The following EFEMP1 variants were observed in gnomAD, a reference collection of about 807,000 sequenced individuals.
EFEMP1 encodes EGF-like fibulin extracellular matrix protein 1.
Under a neutral mutation model 65.7 loss-of-function variants are expected in EFEMP1, and 18 were observed. The ratio of observed to expected loss-of-function variants is 0.27; its 90% CI spans 0.19 to 0.41. EFEMP1 has a LOEUF of 0.41. Ranked by LOEUF, EFEMP1 falls within the 10% of genes least tolerant of loss-of-function variation. The probability of loss-of-function intolerance (pLI) is 1.00; values close to 1 mark genes in which losing one functional copy is unlikely to be tolerated. For synonymous variants in EFEMP1, 237 were observed against 219.7 expected (o/e 1.08, Z -0.70); for missense variants, 469 against 624.8 (o/e 0.75, Z 2.66).
intron 5 of EFEMP1, among the ~76,000 whole-genome samples, chr2:55,900,422 A>G (rs1440725111): frequency 6.6e-6 from 1 of 151,762 alleles, no homozygotes; most frequent in Non-Finnish European, 1.5e-5. Flanking sequence ...CCCACAACCC[A>G]CTCAACTGGC....
chr2:55,921,121 T>C lies in EFEMP1; in HGVS notation c.81+1239A>G, dbSNP rs1461231401. Among the ~76,000 whole-genome samples, 1 of 152,164 alleles carries C rather than the reference T, an allele frequency of 6.6e-6. No individual in the cohort carries two copies. Among genetic ancestry groups the C allele is most frequent in the Non-Finnish European group, 1.5e-5 (1 of 68,032 alleles). The stretch of plus-strand genomic sequence containing the variant: ...TTTATGAGATGATTATAAAAGTGGG[T>C]AGTGAATTTAATTTTAGCTCCCTGA... On this transcript the variant is annotated intron_variant, in intron 3 of 11. Coordinates refer to ENST00000355426, the MANE Select transcript of EFEMP1 (RefSeq NM_001039348.3). The surrounding 1 kb of genome is among the most constrained non-coding windows in gnomAD (Gnocchi z 4.1).
intron 5 of EFEMP1, among the ~76,000 whole-genome samples, chr2:55,895,460 C>T (rs1476340593): frequency 6.6e-6 from 1 of 152,208 alleles, no homozygotes; most frequent in Non-Finnish European, 1.5e-5. Context: ...TAAAGACTCC[C>T]CTTGGGGGTC....
rs575762364 is a variant in EFEMP1 at position 55,875,374 on chromosome 2, T to A, written c.881-309A>T. On this transcript the variant is annotated intron_variant, in intron 8 of 11. Coordinates refer to ENST00000355426, the MANE Select transcript of EFEMP1 (RefSeq NM_001039348.3). ...CACACACACACACACACATATATAT[T>A]TTTTTTGTTCTGCTCAACAGTCCAG... is the stretch of plus-strand genomic sequence containing the variant. 6.5e-3 allele frequency among the ~76,000 whole-genome samples: 822 copies of A among 125,636 alleles called. 8 individuals are homozygous for A. Among genetic ancestry groups the A allele is most frequent in the African/African-American group, 0.026 (711 of 27,232 alleles). The allele number at this position is 125,636 out of a possible 152,430, so 82.4% of individuals were successfully genotyped here.
chr2:55,906,475 C>T (rs918606474), intron 5 of EFEMP1, among the ~76,000 whole-genome samples: 5 of 152,144 alleles, frequency 3.3e-5, no homozygotes, highest in African/African-American at 9.7e-5. Flanking sequence ...CTGCCTGCCT[C>T]GGCCTCCCAA....
Position 55,867,295 on chromosome 2 carries a change from C to T in EFEMP1, c.1321-61G>A. The T allele has an allele frequency of 6.4e-7, 1 of 1,560,790 alleles. No individual in the cohort carries two copies. The highest frequency in any genetic ancestry group is 8.7e-7 in the Non-Finnish European group (1 of 1,145,470). ...ATTTTCTTGGATTGGAGTTTCTATGCTTTGTTAGTATACCTCCTATAAGAA... is the reference window on the plus strand; with the variant it reads ...ATTTTCTTGGATTGGAGTTTCTATGTTTTGTTAGTATACCTCCTATAAGAA... On this transcript the variant is annotated intron_variant, in intron 11 of 11. Transcript: ENST00000355426. The surrounding 1 kb of genome is among the most constrained non-coding windows in gnomAD (Gnocchi z 4.3).
At chr2:55,900,592 T>C (rs1000384749) in intron 5 of EFEMP1, among the ~76,000 whole-genome samples, 41 of 152,340 alleles carry the variant, frequency 2.7e-4, no homozygotes, top group African/African-American at 9.6e-4. Context: ...TTCTATCTTC[T>C]TTACCAAAAA....
chr2:55,913,604 C>CTTTT (rs5831387), intron 5 of EFEMP1, among the ~76,000 whole-genome samples: 40 of 147,518 alleles, frequency 2.7e-4, no homozygotes, highest in Non-Finnish European at 5.6e-4. Context: ...TCCCAAATGA[C>CTTTT]TTTTTTTTTT....
intron 5 of EFEMP1, among the ~76,000 whole-genome samples, chr2:55,898,132 G>A (rs1260018928): frequency 6.6e-6 from 1 of 152,188 alleles, no homozygotes; most frequent in Non-Finnish European, 1.5e-5. Flanking sequence ...TGAGCATGAG[G>A]CAGAGAGGCT....
rs553933730 is a variant in EFEMP1 at position 55,911,985 on chromosome 2, C to T, written c.517+5680G>A. 8.5e-5 allele frequency among the ~76,000 whole-genome samples: 13 copies of T among 152,218 alleles called. No homozygotes were observed. The South Asian group carries it at 2.1e-3, about 24-fold the overall frequency. On this transcript the variant is annotated intron_variant, in intron 5 of 11. Transcript: ENST00000355426. ...TAGGAGTAAATCAATTACTTCCATACACTGCATCGGCTTATTTGAAAAATA... is the reference window on the plus strand; with the variant it reads ...TAGGAGTAAATCAATTACTTCCATATACTGCATCGGCTTATTTGAAAAATA...
intron 8 of EFEMP1, 77 bp from the exon 9 acceptor site, chr2:55,875,142 AAAT>A: frequency 1.9e-6 from 1 of 524,776 alleles, no homozygotes; most frequent in Non-Finnish European, 2.7e-6. Flanking sequence ...ATATATATAT[AAAT>A]TATATATATA....
intron 5 of EFEMP1, among the ~76,000 whole-genome samples, chr2:55,913,367 C>T (rs889699767): frequency 1.3e-5 from 2 of 151,920 alleles, no homozygotes; most frequent in Non-Finnish European, 2.9e-5. Flanking sequence ...GTACTGTACT[C>T]GATTTGGTTT....
rs58841515 is a variant in EFEMP1, at chr2:55,873,066, C to CCACACACACACACACACACACACACA, written c.1000+1854_1000+1879dup. 9.6e-5 allele frequency among the ~76,000 whole-genome samples: 14 copies of CCACACACACACACACACACACACACA among 145,400 alleles called. No individual in the cohort carries two copies. Among genetic ancestry groups the CCACACACACACACACACACACACACA allele is most frequent in the African/African-American group, 3.3e-4 (13 of 39,392 alleles). Reference sequence around the variant, plus strand: ...TTCTTTTGTCTCTCTGTCTCTCTCTCCACACACACACACACACACACACAC... The same window carrying CCACACACACACACACACACACACACA: ...TTCTTTTGTCTCTCTGTCTCTCTCTCCACACACACACACACACACACACACACACACACACACACACACACACACAC... On this transcript the variant is annotated intron_variant, in intron 9 of 11. Transcript: ENST00000355426. This position sits in a 1 kb window ranked among gnomAD's most constrained non-coding sequence, Gnocchi z 4.6.
At chr2:55,895,505 G>C (rs1669789422) in intron 5 of EFEMP1, among the ~76,000 whole-genome samples, 1 of 151,196 alleles carries the variant, frequency 6.6e-6, no homozygotes. Flanking sequence ...AAAGTAGCTT[G>C]TTCAGGTGAC....
intron 5 of EFEMP1, among the ~76,000 whole-genome samples, chr2:55,890,946 T>C (rs1346081916): frequency 6.6e-6 from 1 of 152,058 alleles, no homozygotes; most frequent in East Asian, 1.9e-4. Context: ...GAGGAAAAGA[T>C]CTTTTTATTT....
In EFEMP1 at chr2:55,880,813, C is replaced by G. The variant is rs1246894629; in HGVS notation, c.640+799G>C. 5.9e-5 allele frequency among the ~76,000 whole-genome samples: 9 copies of G among 152,216 alleles called. 1 individual carries two copies. Among genetic ancestry groups the G allele is most frequent in the Admixed American group, 1.3e-4 (2 of 15,284 alleles). On this transcript the variant is annotated intron_variant, in intron 6 of 11. Transcript: ENST00000355426. Reference sequence around the variant, plus strand: ...CTATCTGCCAGTTGGCTTCCTCATACTTTGATCTTCCATTCACTCAAAACA... The same window carrying G: ...CTATCTGCCAGTTGGCTTCCTCATAGTTTGATCTTCCATTCACTCAAAACA...
chr2:55,913,921 A>C (rs1670579041), intron 5 of EFEMP1, among the ~76,000 whole-genome samples: 1 of 152,092 alleles, frequency 6.6e-6, no homozygotes, highest in Admixed American at 6.5e-5. Context: ...GAGGCACAAG[A>C]ATTGCTTAAA....
rs941278505 is a variant in EFEMP1, at chr2:55,885,669, C to T, written c.518-3935G>A. On this transcript the variant is annotated intron_variant, in intron 5 of 11. Transcript: ENST00000355426. This position sits in a 1 kb window ranked among gnomAD's most constrained non-coding sequence, Gnocchi z 4.3. ...GTCCCTCTCTTGCTGACTTTGGCACCGTTAGTTGCTTTAAATAACACAGGC... is the reference window on the plus strand; with the variant it reads ...GTCCCTCTCTTGCTGACTTTGGCACTGTTAGTTGCTTTAAATAACACAGGC... Among the ~76,000 whole-genome samples the T allele has an allele frequency of 6.6e-6, 1 of 152,112 alleles. No homozygotes were observed. The highest frequency in any genetic ancestry group is 1.5e-5 in the Non-Finnish European group (1 of 68,010).
chr2:55,875,329 C>CAT lies in EFEMP1; in HGVS notation c.881-266_881-265dup, dbSNP rs200235490. 1.8e-3 allele frequency among the ~76,000 whole-genome samples: 252 copies of CAT among 139,924 alleles called. 2 individuals carry two copies. The highest frequency in any genetic ancestry group is 0.01 in the South Asian group (46 of 4,460). The allele number at this position is 139,924 out of a possible 152,430, so 91.8% of individuals were successfully genotyped here. A position where few individuals can be genotyped will look rare whatever the true frequency, so the allele number is the denominator to read the frequency against. On this transcript the variant is annotated intron_variant, in intron 8 of 11. Transcript: ENST00000355426. ...CACATTTCTTAAGTTGCCTGGGTTT[C>CAT]ATATATACACACACACACACACACA...
In EFEMP1 at chr2:55,867,151, C is replaced by T. The variant is rs1368988909; in HGVS notation, c.1404G>A (p.Leu468=). 2 of 1,613,830 alleles carry T rather than the reference C, an allele frequency of 1.2e-6. No individual in the cohort carries two copies. The highest frequency in any genetic ancestry group is 1.7e-5 in the Admixed American group (1 of 59,996). The part of the protein sequence containing the change: ...PREHIVDLEM[L]TVSSIGTFRT... ...GGAAGGTCCCTATACTGCTGACTGT[C>T]AGCATCTCCAGGTCCACGATATGTT... The change falls in exon 12 of 12, where the codon CTG becomes CTA. Residue 468 remains leucine, a synonymous_variant. Coordinates refer to ENST00000355426, the MANE Select transcript of EFEMP1 (RefSeq NM_001039348.3). This position sits in a 1 kb window ranked among gnomAD's most constrained non-coding sequence, Gnocchi z 4.3.
Sources: allele counts gnomAD v4.1 joint callset (sites outside exome capture counted in the v4.1 genomes callset), GRCh38; gene constraint gnomAD v4.1.1; non-coding constraint Gnocchi (gnomAD v3.1); transcripts MANE v1.5; gene names NCBI Gene and HGNC (gene_info 2026-07-23, HGNC 2026-07-21).